RIMBP2: variants seen among roughly 807,000 people sequenced by gnomAD.
RIMBP2 encodes the protein RIMS-binding protein 2.
Under a neutral mutation model 118.6 loss-of-function variants are expected in RIMBP2, and 48 were observed. That is an observed-to-expected ratio of 0.40 (90% CI 0.32 to 0.51). The LOEUF (loss-of-function observed/expected upper bound fraction) is 0.51. RIMBP2 is among the 20% of genes least tolerant of loss of function. The pLI, the probability that RIMBP2 is intolerant of heterozygous loss-of-function variation, is 0.41. For synonymous variants in RIMBP2, 762 were observed against 742.9 expected (o/e 1.03, Z -0.42); for missense variants, 1,551 against 1,768.3 (o/e 0.88, Z 2.20).
chr12:130,570,339 T>C (rs2057535972), intron 2 of RIMBP2, among the ~76,000 whole-genome samples: 2 of 151,946 alleles, frequency 1.3e-5, no homozygotes, highest in Admixed American at 1.3e-4. Context: ...GGTGGGAGGA[T>C]AGATTGAGCC....
At chr12:130,543,712 A>G (rs1178490930) in intron 2 of RIMBP2, among the ~76,000 whole-genome samples, 1 of 151,918 alleles carries the variant, frequency 6.6e-6, no homozygotes, top group Non-Finnish European at 1.5e-5. Context: ...ATGACACCAC[A>G]TGAATTTGGC....
chr12:130,564,617 C>T (rs2139953874), intron 2 of RIMBP2, among the ~76,000 whole-genome samples: 1 of 152,242 alleles, frequency 6.6e-6, no homozygotes, highest in Admixed American at 6.5e-5. Context: ...GTGGATAGAC[C>T]TCAAAGACAT....
intron 14 of RIMBP2, among the ~76,000 whole-genome samples, chr12:130,433,797 C>T (rs1011145281): frequency 5.9e-5 from 9 of 152,168 alleles, no homozygotes; most frequent in Non-Finnish European, 1.0e-4. Flanking sequence ...AGAGAATGGA[C>T]GAGACAGAAC....
intron 1 of RIMBP2, among the ~76,000 whole-genome samples, chr12:130,696,788 G>C (rs1480460034): frequency 6.6e-6 from 1 of 152,230 alleles, no homozygotes. Context: ...AGCAATGTTT[G>C]AGAAGCCGCT....
At chr12:130,437,383 G>A (rs2077606701) in intron 12 of RIMBP2, 92 bp from the exon 13 acceptor site, 2 of 1,074,444 alleles carry the variant, frequency 1.9e-6, no homozygotes, top group East Asian at 5.2e-5. Flanking sequence ...CCAGAGGCCA[G>A]GTGCAAAGGA....
intron 2 of RIMBP2, among the ~76,000 whole-genome samples, chr12:130,600,213 T>A (rs564025593): frequency 4.1e-4 from 63 of 152,334 alleles, no homozygotes; most frequent in Non-Finnish European, 6.8e-4. Flanking sequence ...ACTGCCATCT[T>A]GGACAAGTAC....
chr12:130,432,755 C>G (rs2077230540), intron 14 of RIMBP2, among the ~76,000 whole-genome samples: 1 of 152,150 alleles, frequency 6.6e-6, no homozygotes, highest in South Asian at 2.1e-4. Flanking sequence ...ACTTCCAGCC[C>G]CCAGCACTGT....
chr12:130,536,774 A>C (rs1304856753), intron 2 of RIMBP2, among the ~76,000 whole-genome samples: 2 of 152,192 alleles, frequency 1.3e-5, no homozygotes, highest in Non-Finnish European at 2.9e-5. Flanking sequence ...CTTGCTTCCT[A>C]AAGTGAGATG....
chr12:130,705,633 T>C (rs923319451), intron 1 of RIMBP2, among the ~76,000 whole-genome samples: 12 of 152,254 alleles, frequency 7.9e-5, no homozygotes, highest in African/African-American at 2.9e-4. Flanking sequence ...CCTCTCCTGC[T>C]GCACACCGCT....
chr12:130,586,007 C>G (rs940823204), intron 2 of RIMBP2, among the ~76,000 whole-genome samples: 1 of 152,198 alleles, frequency 6.6e-6, no homozygotes, highest in Non-Finnish European at 1.5e-5. Flanking sequence ...TCTAATATTG[C>G]TGAAATGTAT....
chr12:130,561,735 G>A (rs544624067), intron 2 of RIMBP2, among the ~76,000 whole-genome samples: 1 of 152,092 alleles, frequency 6.6e-6, no homozygotes, highest in South Asian at 2.1e-4. Context: ...GATAAAAGGG[G>A]GTTTCTGAAC....
chr12:130,553,412 C>T (rs1367763679), intron 2 of RIMBP2, among the ~76,000 whole-genome samples: 1 of 152,108 alleles, frequency 6.6e-6, no homozygotes, highest in African/African-American at 2.4e-5. Flanking sequence ...ATTATCATCC[C>T]TTATATATCA....
At chr12:130,541,249 G>A (rs1411210656) in intron 2 of RIMBP2, among the ~76,000 whole-genome samples, 2 of 152,198 alleles carry the variant, frequency 1.3e-5, no homozygotes, top group Non-Finnish European at 2.9e-5. Context: ...CTGAAACTCT[G>A]AGATTAGAGA....
rs2062940362 is a variant in RIMBP2 at position 130,646,297 on chromosome 12, C to CA, written c.-351-17842_-351-17841insT. Among the ~76,000 whole-genome samples, 2 of 112,906 alleles carry CA rather than the reference C, an allele frequency of 1.8e-5. 1 individual carries two copies. The highest frequency in any genetic ancestry group is 1.7e-4 in the Admixed American group (2 of 11,588). 74.1% of individuals were successfully genotyped at this position (112,906 alleles called of 152,430 possible). ...TCACCACCTCCCTCACCACCTGCCT[C>CA]TCCACCTCCCTCACCACTTCCCTCT... On this transcript the variant is annotated intron_variant, in intron 1 of 22. Coordinates refer to ENST00000690449, the MANE Select transcript of RIMBP2 (RefSeq NM_001393629.1).
Position 130,438,351 on chromosome 12 carries a change from C to CCCCCCA in RIMBP2, c.1656+13_1656+14insTGGGGG. On this transcript the variant is annotated intron_variant, in intron 12 of 22. Transcript: ENST00000690449. ...GCCTAACAAACCCTCCCCACCCACCCAACGAAAACTCACCCTCTGCCCTTT... is the reference window on the plus strand; with the variant it reads ...GCCTAACAAACCCTCCCCACCCACCCCCCCCAAACGAAAACTCACCCTCTGCCCTTT... 1.3e-6 allele frequency: 2 copies of CCCCCCA among 1,589,888 alleles called. No homozygotes were observed. Among genetic ancestry groups the CCCCCCA allele is most frequent in the Non-Finnish European group, 8.6e-7 (1 of 1,158,586 alleles).
intron 12 of RIMBP2, 115 bp from the exon 13 acceptor site, chr12:130,437,406 AC>A: frequency 1.2e-6 from 1 of 836,720 alleles, no homozygotes; most frequent in East Asian, 2.8e-5. Flanking sequence ...ATGCCCAGCG[AC>A]CTCCGACTCC....
intron 13 of RIMBP2, among the ~76,000 whole-genome samples, chr12:130,435,405 C>A (rs2077442881): frequency 2.0e-5 from 3 of 152,198 alleles, no homozygotes; most frequent in Admixed American, 6.5e-5. Flanking sequence ...CTCCATTGGT[C>A]TCCTCTGCCC....
intron 2 of RIMBP2, among the ~76,000 whole-genome samples, chr12:130,568,618 G>A (rs2057404401): frequency 6.6e-6 from 1 of 152,240 alleles, no homozygotes; most frequent in Non-Finnish European, 1.5e-5. Flanking sequence ...GAAAGTCTCT[G>A]CCAGATGAAC....
chr12:130,481,000 T>C (rs1310110966), intron 4 of RIMBP2, among the ~76,000 whole-genome samples: 1 of 152,140 alleles, frequency 6.6e-6, no homozygotes, highest in Non-Finnish European at 1.5e-5. Flanking sequence ...GTTAACGTGG[T>C]TTCCTGAGGC....
Sources: gnomAD v4.1 joint callset for allele counts (sites outside exome capture counted in the v4.1 genomes callset) on GRCh38, gnomAD v4.1.1 for gene constraint, MANE v1.5 for transcripts, NCBI Gene and HGNC (gene_info 2026-07-23, HGNC 2026-07-21) for gene names.